The following DDX59 variants were observed in gnomAD, a reference collection of about 807,000 sequenced individuals.
DDX59 encodes DEAD-box helicase 59.
A neutral mutation model predicts 51.9 loss-of-function variants in DDX59; 30 were observed. The ratio of observed to expected loss-of-function variants is 0.58; its 90% CI spans 0.43 to 0.78. The LOEUF (loss-of-function observed/expected upper bound fraction) is 0.78, where lower values mean the gene tolerates loss of function less well. Among genes scored for constraint, DDX59 ranks in the 30% least tolerant of loss-of-function variants. DDX59 has a pLI of 0.00. For synonymous variants in DDX59, 255 were observed against 253.3 expected (o/e 1.01, Z -0.06); for missense variants, 672 against 730.8 (o/e 0.92, Z 0.93).
chr1:200,659,887 C>T (rs1359466353), intron 3 of DDX59, among the ~76,000 whole-genome samples: 1 of 152,144 alleles, frequency 6.6e-6, no homozygotes, highest in Non-Finnish European at 1.5e-5. Context: ...GGTCTCTATG[C>T]TACCCAGGCT....
At chr1:200,649,052 T>C in intron 6 of DDX59, 22 bp downstream of exon 6, 2 of 1,534,128 alleles carry the variant, frequency 1.3e-6, no homozygotes, top group Non-Finnish European at 1.7e-6. Flanking sequence ...GAAAACAGAA[T>C]ATAGAATATT....
At chr1:200,667,708 A>G (rs1260935908) in intron 1 of DDX59, among the ~76,000 whole-genome samples, 2 of 152,236 alleles carry the variant, frequency 1.3e-5, no homozygotes, top group East Asian at 3.8e-4. Context: ...AATCATAGAG[A>G]AAATGCTATT....
chr1:200,666,894 G>C, intron 1 of DDX59, 143 bp from the exon 2 acceptor site: 1 of 770,274 alleles, frequency 1.3e-6, no homozygotes, highest in Non-Finnish European at 2.0e-6. Context: ...GATCACTTGA[G>C]GTCAGGAGTT....
At chr1:200,659,881 T>C (rs950052448) in intron 3 of DDX59, among the ~76,000 whole-genome samples, 4 of 152,142 alleles carry the variant, frequency 2.6e-5, no homozygotes, top group African/African-American at 9.7e-5. Context: ...AGACAAGGTC[T>C]CTATGCTACC....
chr1:200,655,055 C>T (rs1157410543), intron 4 of DDX59: 1 of 152,120 alleles, frequency 6.6e-6, no homozygotes, highest in Non-Finnish European at 1.5e-5. Context: ...ATTTTATCGG[C>T]AACCTCCTGA....
downstream of DDX59, chr1:200,641,337 G>A (rs1381571524): frequency 6.4e-6 from 4 of 621,270 alleles, no homozygotes; most frequent in Admixed American, 3.1e-5. Context: ...ATTAATCAGT[G>A]AGTCACAGTT....
At chr1:200,658,759 A>T (rs1383136443) in intron 4 of DDX59, among the ~76,000 whole-genome samples, 2 of 151,384 alleles carry the variant, frequency 1.3e-5, no homozygotes, top group Non-Finnish European at 3.0e-5. Context: ...TCAAATGCTT[A>T]AAAAAAAACA....
At chr1:200,642,881 A>G (rs1372233168), downstream of DDX59, among the ~76,000 whole-genome samples, 1 of 152,152 alleles carries the variant, frequency 6.6e-6, no homozygotes, top group African/African-American at 2.4e-5. Flanking sequence ...AAAAAAGTTT[A>G]AAGTGAGAGC....
rs1411945732 is a variant in DDX59 at position 200,650,632 on chromosome 1, G to C, written c.1107C>G (p.Asp369Glu). The change falls in exon 5 of 8, where the codon GAC (aspartate) becomes GAG (glutamate). Residue 369 changes from aspartate to glutamate, a missense_variant. Asp to Glu is a conservative substitution (Grantham distance 45). Transcript: ENST00000331314. Reference protein sequence around the residue: ...LKMGFQQQVLDILENIPNDCQ... With the variant: ...LKMGFQQQVLEILENIPNDCQ... ...AATCATTAGGAATGTTTTCCAAAATGTCAAGCACTTGTTGTTGAAAACCCA... is the reference window on the plus strand; with the variant it reads ...AATCATTAGGAATGTTTTCCAAAATCTCAAGCACTTGTTGTTGAAAACCCA... 1 of 1,613,560 alleles carries C rather than the reference G, an allele frequency of 6.2e-7. No homozygotes were observed. Among genetic ancestry groups the C allele is most frequent in the Non-Finnish European group, 8.5e-7 (1 of 1,179,754 alleles).
intron 5 of DDX59, among the ~76,000 whole-genome samples, chr1:200,649,613 A>G (rs1661518980): frequency 8.5e-6 from 1 of 117,094 alleles, no homozygotes; most frequent in Non-Finnish European, 1.7e-5. Context: ...TGGGCAACAG[A>G]GTGAGATTCC....
chr1:200,658,379 T>G (rs959577838), intron 4 of DDX59, among the ~76,000 whole-genome samples: 1 of 152,014 alleles, frequency 6.6e-6, no homozygotes, highest in East Asian at 1.9e-4. Context: ...GATGCCTATG[T>G]CCACATAGAA....
chr1:200,660,412 G>C (rs1662301880), intron 3 of DDX59, among the ~76,000 whole-genome samples: 1 of 152,120 alleles, frequency 6.6e-6, no homozygotes, highest in African/African-American at 2.4e-5. Context: ...AGAGGGGTGG[G>C]AGTGACAGGT....
chr1:200,666,635 T>A lies in DDX59; in HGVS notation c.106A>T (p.Lys36Ter). The A allele has an allele frequency of 6.2e-7, 1 of 1,614,240 alleles. No homozygotes were observed. The highest frequency in any genetic ancestry group is 8.5e-7 in the Non-Finnish European group (1 of 1,180,046). The change falls in exon 2 of 8, where the codon AAA becomes TAA. Residue 36 changes from lysine (K) to a stop codon, truncating the protein, a stop_gained. Coordinates refer to ENST00000331314, the MANE Select transcript of DDX59 (RefSeq NM_001031725.6). LOFTEE classifies it high-confidence loss of function. ...KPDPEDLQLD[K>*]SRDVPVDAVA... ...GCATCAACGGGAACATCTCTGCTTT[T>A]GTCCAACTGAAGGTCTTCTGGGTCT...
At chr1:200,649,371 G>C in intron 5 of DDX59, 145 bp from the exon 6 acceptor site, 1 of 754,322 alleles carries the variant, frequency 1.3e-6, no homozygotes, top group Non-Finnish European at 2.0e-6. Flanking sequence ...GCTCACACCT[G>C]TAATCTCAGC....
In DDX59 at chr1:200,666,702, A is replaced by G; in HGVS notation, c.39T>C (p.Ala13=). The change falls in exon 2 of 8, where the codon GCT becomes GCC. Residue 13 remains alanine (A), a synonymous_variant. Transcript: ENST00000331314. Reference sequence around the variant, plus strand: ...CCACACAACTTTTGCCATCATCATTAGCATTCCTCTTGATTTTTAGAGATC... The same window carrying G: ...CCACACAACTTTTGCCATCATCATTGGCATTCCTCTTGATTTTTAGAGATC... ...VPRSLKIKRN[A]NDDGKSCVAK... is the part of the protein sequence containing the mutation. 6.2e-7 allele frequency: 1 copy of G among 1,613,068 alleles called. No individual in the cohort carries two copies. The highest frequency in any genetic ancestry group is 8.5e-7 in the Non-Finnish European group (1 of 1,179,122).
At chr1:200,664,825 G>A (rs939753099) in intron 2 of DDX59, among the ~76,000 whole-genome samples, 5 of 152,060 alleles carry the variant, frequency 3.3e-5, no homozygotes, top group African/African-American at 4.8e-5. Context: ...ACAGGCATGC[G>A]CCATCATGCC....
chr1:200,654,030 A>G (rs1044893150), intron 4 of DDX59, among the ~76,000 whole-genome samples: 3 of 152,224 alleles, frequency 2.0e-5, no homozygotes, highest in African/African-American at 7.2e-5. Context: ...TTTTGTAAAT[A>G]AATGAACACT....
At position 200,666,345 on chromosome 1, in the gene DDX59, T is replaced by G. The variant is rs755215809; in HGVS notation, c.396A>C (p.Lys132Asn). Residue 132 changes from lysine (K) to asparagine (N), a missense_variant, in exon 2 of 8, where the codon AAA becomes AAC. By Grantham distance (94) the Lys-to-Asn change is moderately conservative (BLOSUM62 0). Coordinates refer to ENST00000331314, the MANE Select transcript of DDX59 (RefSeq NM_001031725.6). Reference protein sequence around the residue: ...TDEDVCSLECKAKHLLQVKEK... With the variant: ...TDEDVCSLECNAKHLLQVKEK... ...CCTTAACTTGTAGAAGATGTTTCGC[T>G]TTACACTCCAAACTACACACATCTT... 14 of 1,614,088 alleles carry G rather than the reference T, an allele frequency of 8.7e-6. No individual in the cohort carries two copies. The South Asian group carries it at 1.4e-4, about 16-fold the overall frequency.
chr1:200,665,810 C>T lies in DDX59; in HGVS notation c.804+127G>A, dbSNP rs1662688217. The T allele has an allele frequency of 3.1e-6, 3 of 961,188 alleles. No homozygotes were observed. The East Asian group carries it at 8.0e-5, about 26-fold the overall frequency. The allele number at this position is 961,188 out of a possible 1,614,324, so 59.5% of individuals were successfully genotyped here. ...CTATCAGAAGCAAAATCACTACAGGCACTAGTGACTAAAATTCCAAATATT... is the reference window on the plus strand; with the variant it reads ...CTATCAGAAGCAAAATCACTACAGGTACTAGTGACTAAAATTCCAAATATT... On this transcript the variant is annotated intron_variant, in intron 2 of 7. Coordinates refer to ENST00000331314, the MANE Select transcript of DDX59 (RefSeq NM_001031725.6).
Sources: gnomAD v4.1 joint callset for allele counts (sites outside exome capture counted in the v4.1 genomes callset) on GRCh38, gnomAD v4.1.1 for gene constraint, MANE v1.5 for transcripts, NCBI Gene and HGNC (gene_info 2026-07-23, HGNC 2026-07-21) for gene names.